GSN: variants seen among roughly 807,000 people sequenced by gnomAD.
The protein encoded by GSN is actin-depolymerizing factor.
In GSN, 56 loss-of-function variants were observed where a neutral mutation model predicts 85.7. The ratio of observed to expected loss-of-function variants is 0.65; its 90% CI spans 0.53 to 0.82. The LOEUF is 0.82. Among genes scored for constraint, GSN ranks in the 40% least tolerant of loss-of-function variants. The pLI is 0.00. For synonymous variants in GSN, 373 were observed against 399.1 expected (o/e 0.93, Z 0.78); for missense variants, 857 against 979.8 (o/e 0.87, Z 1.67).
upstream of GSN, among the ~76,000 whole-genome samples, chr9:121,203,720 C>G (rs2053840415): frequency 6.6e-6 from 1 of 152,188 alleles, no homozygotes; most frequent in South Asian, 2.1e-4. Flanking sequence ...TTGTGCATGT[C>G]ACTTGATTTC....
Position 121,329,267 on chromosome 9 carries a change from G to A in GSN, c.1917G>A (p.Gln639=), listed in dbSNP as rs2133938176. 1.2e-6 allele frequency: 2 copies of A among 1,612,672 alleles called. No homozygotes were observed. Among genetic ancestry groups the A allele is most frequent in the East Asian group, 4.5e-5 (2 of 44,870 alleles). Residue 639 remains glutamine (Q), a synonymous_variant, in exon 16 of 18, where the codon CAG becomes CAA. Coordinates refer to ENST00000432226, the MANE Select transcript of GSN (RefSeq NM_198252.3). The surrounding 1 kb of genome is among the most constrained non-coding windows in gnomAD (Gnocchi z 4.6). ...AAGAGGTTCCTGGTGAGCTCATGCA[G>A]GAAGACCTGGCAACGGATGACGTCA... ...VIEEVPGELM[Q]EDLATDDVML...
chr9:121,242,335 G>A (rs1003999571), intron 5 of GSN, among the ~76,000 whole-genome samples: 1 of 152,168 alleles, frequency 6.6e-6, no homozygotes, highest in Non-Finnish European at 1.5e-5. Flanking sequence ...CCTTAATACG[G>A]CTTGAATCAG....
At chr9:121,233,100 C>G (rs953193474) in intron 5 of GSN, among the ~76,000 whole-genome samples, 14 of 152,194 alleles carry the variant, frequency 9.2e-5, no homozygotes. Context: ...TCTCTGTCAG[C>G]TCTGAGGTAG....
At chr9:121,239,754 C>T (rs1481115499) in intron 5 of GSN, 1 of 275,930 alleles carries the variant, frequency 3.6e-6, no homozygotes, top group Non-Finnish European at 7.2e-6. Flanking sequence ...AAAGCATATC[C>T]TCAGACACTG....
intron 4 of GSN, among the ~76,000 whole-genome samples, chr9:121,303,309 A>G (rs1185702143): frequency 2.0e-5 from 3 of 152,234 alleles, no homozygotes; most frequent in Non-Finnish European, 4.4e-5. Context: ...AAAATTCCCC[A>G]TAAGTTCATA....
In GSN at chr9:121,321,379, CA is replaced by C; in HGVS notation, c.1304del (p.Gln435ArgfsTer4). The stretch of plus-strand genomic sequence containing the variant: ...GTACAACTACCGCCATGGTGGCCGC[CA>C]GGGGCAGATAATCTATAACTGGTGA... ...ILYNYRHGGR[Q>X]GQIIYNWQGA... On this transcript the variant is annotated frameshift_variant, in exon 11 of 18. Transcript: ENST00000432226. LOFTEE classifies it high-confidence loss of function. 6.2e-7 allele frequency: 1 copy of C among 1,614,110 alleles called. No individual in the cohort carries two copies. Among genetic ancestry groups the C allele is most frequent in the Non-Finnish European group, 8.5e-7 (1 of 1,179,986 alleles).
intron 4 of GSN, among the ~76,000 whole-genome samples, chr9:121,211,541 AT>A (rs2053967985): frequency 6.6e-6 from 1 of 152,176 alleles, no homozygotes; most frequent in Admixed American, 6.5e-5. Context: ...TTAATAATTA[AT>A]TGGGGATCTG....
chr9:121,217,798 G>GTGT (rs2054093610), intron 4 of GSN, among the ~76,000 whole-genome samples: 1 of 143,380 alleles, frequency 7.0e-6, no homozygotes, highest in African/African-American at 2.5e-5. Flanking sequence ...ATATAGAAAT[G>GTGT]TATTATTATT....
intron 13 of GSN, chr9:121,326,892 G>C (rs1241514905): frequency 2.7e-6 from 2 of 728,872 alleles, no homozygotes; most frequent in Non-Finnish European, 5.1e-6. Flanking sequence ...TGCACACTTT[G>C]CACAGTGGAC....
intron 4 of GSN, among the ~76,000 whole-genome samples, chr9:121,303,363 G>GA (rs1392943297): frequency 6.6e-6 from 1 of 152,208 alleles, no homozygotes; most frequent in Non-Finnish European, 1.5e-5. Context: ...GGCCAGAGGT[G>GA]AAAATCCAGT....
intron 16 of GSN, among the ~76,000 whole-genome samples, chr9:121,330,475 C>T (rs868227504): frequency 2.3e-4 from 35 of 152,076 alleles, no homozygotes; most frequent in Admixed American, 5.2e-4. Flanking sequence ...CTTGGGAGGT[C>T]GAGGCAGAAG....
rs1482545136 is a variant in GSN, at chr9:121,248,324, G to C, written c.-341+1G>C. On this transcript the variant is annotated splice_donor_variant, in intron 6 of 24. Coordinates refer to the GSN transcript ENST00000373823. LOFTEE classifies it low-confidence loss of function (5UTR_SPLICE). ...GCCTCCTGAGTAGCTGGGATTACAGGTGTGCACCACCACACCCAAGCCCTT... is the reference window on the plus strand; with the variant it reads ...GCCTCCTGAGTAGCTGGGATTACAGCTGTGCACCACCACACCCAAGCCCTT... 1 of 152,146 alleles carries C rather than the reference G, an allele frequency of 6.6e-6. No homozygotes were observed. Among genetic ancestry groups the C allele is most frequent in the African/African-American group, 2.4e-5 (1 of 41,380 alleles). 9.4% of individuals were successfully genotyped at this position (152,146 alleles called of 1,614,324 possible).
At chr9:121,331,566 G>T in intron 17 of GSN, 118 bp downstream of exon 17, 1 of 683,026 alleles carries the variant, frequency 1.5e-6, no homozygotes, top group Non-Finnish European at 2.7e-6. Context: ...GGACAAGATA[G>T]GGTGGGGACT....
chr9:121,308,134 T>C (rs1261424740), intron 4 of GSN, among the ~76,000 whole-genome samples: 1 of 152,218 alleles, frequency 6.6e-6, no homozygotes, highest in Non-Finnish European at 1.5e-5. Flanking sequence ...TCAGTCATAG[T>C]GTGGCCAACC....
intron 4 of GSN, among the ~76,000 whole-genome samples, chr9:121,213,081 T>C (rs562700375): frequency 6.6e-6 from 1 of 152,324 alleles, no homozygotes; most frequent in South Asian, 2.1e-4. Flanking sequence ...AATGTCTGCC[T>C]TTCCTCACCC....
chr9:121,212,938 T>A (rs1428500911), intron 4 of GSN, among the ~76,000 whole-genome samples: 4 of 152,160 alleles, frequency 2.6e-5, no homozygotes, highest in Non-Finnish European at 5.9e-5. Context: ...CATGAGCCAC[T>A]GCACCTGGCT....
At chr9:121,227,438 C>T (rs566467540) in intron 4 of GSN, among the ~76,000 whole-genome samples, 1 of 152,060 alleles carries the variant, frequency 6.6e-6, no homozygotes, top group Admixed American at 6.6e-5. Context: ...AAACGTGTTT[C>T]CCTGAGTTCT....
chr9:121,243,798 G>C (rs188889692), intron 5 of GSN, among the ~76,000 whole-genome samples: 1 of 152,118 alleles, frequency 6.6e-6, no homozygotes, highest in African/African-American at 2.4e-5. Flanking sequence ...GGCTGGTCTT[G>C]AACTCCTGAC....
At chr9:121,313,448 A>C (rs904382708) in intron 6 of GSN, 1 of 230,828 alleles carries the variant, frequency 4.3e-6, no homozygotes, top group African/African-American at 2.3e-5. Flanking sequence ...TGGGAGTGAA[A>C]ATAGGCTCTG....
Sources: allele counts gnomAD v4.1 joint callset (sites outside exome capture counted in the v4.1 genomes callset), GRCh38; gene constraint gnomAD v4.1.1; non-coding constraint Gnocchi (gnomAD v3.1); transcripts MANE v1.5; gene names NCBI Gene and HGNC (gene_info 2026-07-23, HGNC 2026-07-21).